Variants in KCNH1 observed in about 807,000 individuals in gnomAD.
KCNH1 encodes the protein voltage-gated delayed rectifier potassium channel KCNH1.
A neutral mutation model predicts 69.2 loss-of-function variants in KCNH1; 27 were observed. The observed-to-expected ratio is 0.39, with a 90% confidence interval of 0.29 to 0.54. The LOEUF is 0.54. Among genes scored for constraint, KCNH1 ranks in the 20% least tolerant of loss-of-function variants. The pLI, the probability that KCNH1 is intolerant of heterozygous loss-of-function variation, is 0.68. For missense variants in KCNH1, 798 were observed against 1,261.6 expected (o/e 0.63, Z 5.57); for synonymous variants, 456 against 487.7 (o/e 0.93, Z 0.86).
intron 5 of KCNH1, among the ~76,000 whole-genome samples, chr1:211,043,326 C>T (rs529557087): frequency 6.6e-6 from 1 of 152,128 alleles, no homozygotes; most frequent in Non-Finnish European, 1.5e-5. Flanking sequence ...ACTATGAACA[C>T]CTTTACACAC....
At chr1:210,772,972 TG>T (rs1208503568) in intron 10 of KCNH1, among the ~76,000 whole-genome samples, 3 of 152,250 alleles carry the variant, frequency 2.0e-5, no homozygotes, top group Admixed American at 1.3e-4. Context: ...TTGTCATTCT[TG>T]TTTTTTTTTA....
chr1:210,815,757 A>T (rs1684801220), intron 7 of KCNH1, among the ~76,000 whole-genome samples: 1 of 152,052 alleles, frequency 6.6e-6, no homozygotes, highest in Non-Finnish European at 1.5e-5. Flanking sequence ...CCCTACCAGG[A>T]GACTGACTCA....
rs78488974 is a variant in KCNH1, at chr1:211,087,730, G to A, written c.439+2832C>T. ...ATTCCCTTCTCCATGCCATCTGTGG[G>A]CACTATTTGTCAGAGAGTAAGAGAA... On this transcript the variant is annotated intron_variant, in intron 4 of 10. Coordinates refer to ENST00000271751, the MANE Select transcript of KCNH1 (RefSeq NM_172362.3). Among the ~76,000 whole-genome samples the A allele has an allele frequency of 1.5e-3, 223 of 152,022 alleles. 3 individuals carry two copies. The East Asian group carries it at 0.04, about 27-fold the overall frequency.
chr1:211,056,796 G>A (rs946920922), intron 5 of KCNH1, among the ~76,000 whole-genome samples: 1 of 152,196 alleles, frequency 6.6e-6, no homozygotes, highest in Non-Finnish European at 1.5e-5. Flanking sequence ...GACCACCAAG[G>A]TGGTACCTCT....
Position 210,919,524 on chromosome 1 carries a change from A to G in KCNH1, c.1462+116T>C. On this transcript the variant is annotated intron_variant, in intron 7 of 10. Transcript: ENST00000271751. The surrounding 1 kb of genome is among the most constrained non-coding windows in gnomAD (Gnocchi z 4.2). ...GGTAACTGTAAGCCTAGTCTTAAAAAAACTCTTCCTTGTTTTAAGTTATTA... is the reference window on the plus strand; with the variant it reads ...GGTAACTGTAAGCCTAGTCTTAAAAGAACTCTTCCTTGTTTTAAGTTATTA... The G allele has an allele frequency of 1.9e-6, 2 of 1,030,228 alleles. No individual in the cohort carries two copies. Among genetic ancestry groups the G allele is most frequent in the South Asian group, 1.5e-5 (1 of 65,052 alleles). 63.8% of individuals were successfully genotyped at this position (1,030,228 alleles called of 1,614,324 possible).
intron 9 of KCNH1, among the ~76,000 whole-genome samples, chr1:210,788,105 G>T (rs1425794881): frequency 5.3e-5 from 8 of 152,220 alleles, no homozygotes; most frequent in Admixed American, 3.3e-4. Context: ...TTCCAAGATT[G>T]CTATGGATGA....
chr1:211,132,317 A>G (rs1040903676), intron 1 of KCNH1, among the ~76,000 whole-genome samples: 1 of 152,140 alleles, frequency 6.6e-6, no homozygotes, highest in Admixed American at 6.6e-5. Context: ...TAAATGAACA[A>G]CTCCAGCTTT....
At chr1:210,926,806 A>G (rs1687584278) in intron 6 of KCNH1, among the ~76,000 whole-genome samples, 3 of 152,160 alleles carry the variant, frequency 2.0e-5, no homozygotes, top group Admixed American at 2.0e-4. Context: ...AACTTAAAGA[A>G]ATCAAAAACA....
chr1:210,834,823 G>A (rs1685247435), intron 7 of KCNH1, among the ~76,000 whole-genome samples: 1 of 152,156 alleles, frequency 6.6e-6, no homozygotes, highest in African/African-American at 2.4e-5. Context: ...GAAAAAAGAT[G>A]GTGTCTATGA....
At chr1:210,888,474 C>T (rs1018635701) in intron 7 of KCNH1, among the ~76,000 whole-genome samples, 17 of 152,076 alleles carry the variant, frequency 1.1e-4, no homozygotes, top group African/African-American at 4.1e-4. Flanking sequence ...CCAAAATTGA[C>T]ACCCTAACAT....
chr1:210,806,812 A>T (rs1395248062), intron 7 of KCNH1, among the ~76,000 whole-genome samples: 258 of 3,658 alleles, frequency 0.071, 6 homozygotes, highest in Non-Finnish European at 0.11. Flanking sequence ...TCTACCAAAA[A>T]AAAAAAAAAA....
chr1:210,840,144 A>G (rs1269507359), intron 7 of KCNH1, among the ~76,000 whole-genome samples: 1 of 152,192 alleles, frequency 6.6e-6, no homozygotes, highest in East Asian at 1.9e-4. Context: ...CACAGCATTA[A>G]CTGCATTAGG....
chr1:211,073,046 C>T (rs553377494), intron 5 of KCNH1, among the ~76,000 whole-genome samples: 89 of 152,168 alleles, frequency 5.8e-4, no homozygotes, highest in Non-Finnish European at 8.7e-4. Flanking sequence ...ATATATCATG[C>T]TAAAAGTAAT....
At chr1:210,890,956 T>C (rs1203715348) in intron 7 of KCNH1, among the ~76,000 whole-genome samples, 1 of 152,148 alleles carries the variant, frequency 6.6e-6, no homozygotes, top group African/African-American at 2.4e-5. Flanking sequence ...TGTAAATTAG[T>C]TCAACCATTG....
At chr1:210,826,534 C>A (rs567949124) in intron 7 of KCNH1, among the ~76,000 whole-genome samples, 170 of 152,146 alleles carry the variant, frequency 1.1e-3, no homozygotes, top group Non-Finnish European at 2.0e-3. Flanking sequence ...AAGCATGACA[C>A]CTTACCCTTC....
intron 6 of KCNH1, among the ~76,000 whole-genome samples, chr1:210,933,975 T>C (rs1294178192): frequency 6.6e-6 from 1 of 152,224 alleles, no homozygotes; most frequent in African/African-American, 2.4e-5. Flanking sequence ...GGAAACTGGA[T>C]ATCCATATAC....
chr1:210,821,270 A>G (rs966031114), intron 7 of KCNH1, among the ~76,000 whole-genome samples: 3 of 152,220 alleles, frequency 2.0e-5, no homozygotes, highest in Non-Finnish European at 2.9e-5. Flanking sequence ...AGGGAGATAC[A>G]TAATGGAACT....
At chr1:210,859,315 AACT>A (rs1685923224) in intron 7 of KCNH1, 12 of 1,531,920 alleles carry the variant, frequency 7.8e-6, no homozygotes, top group Non-Finnish European at 1.1e-5. Flanking sequence ...CTGTGTCTGT[AACT>A]GTTTTCTTTG....
intron 1 of KCNH1, among the ~76,000 whole-genome samples, chr1:211,113,233 T>C (rs1399843537): frequency 2.0e-5 from 3 of 152,232 alleles, no homozygotes; most frequent in African/African-American, 7.2e-5. Context: ...AGTTGGGATT[T>C]GAACCTAGGT....
Sources: gnomAD v4.1 joint callset for allele counts (sites outside exome capture counted in the v4.1 genomes callset) on GRCh38, gnomAD v4.1.1 for gene constraint, Gnocchi (gnomAD v3.1) non-coding constraint, MANE v1.5 for transcripts, NCBI Gene and HGNC (gene_info 2026-07-23, HGNC 2026-07-21) for gene names.